MED27: variants seen among roughly 807,000 people sequenced by gnomAD.
MED27 encodes mediator complex subunit 27, also known as mediator of RNA polymerase II transcription subunit 27.
MED27 carries 30 observed loss-of-function variants against 38.2 expected under a neutral mutation model. The observed-to-expected ratio is 0.79, with a 90% confidence interval of 0.59 to 1.07. The LOEUF (loss-of-function observed/expected upper bound fraction) is 1.07, where lower values mean the gene tolerates loss of function less well. Ranked by LOEUF, MED27 falls within the 50% of genes least tolerant of loss-of-function variation. The probability of loss-of-function intolerance (pLI) is 0.00; values close to 1 mark genes in which losing one functional copy is unlikely to be tolerated. For synonymous variants in MED27, 122 were observed against 153.5 expected, an observed-to-expected ratio of 0.79 and a Z score of 1.52; for missense variants, 289 against 397.5, an observed-to-expected ratio of 0.73 and a Z score of 2.32.
At position 131,906,076 on chromosome 9, in the gene MED27, T is replaced by G. The variant is rs142536708; in HGVS notation, c.574-12084A>C. Among the ~76,000 whole-genome samples the G allele has an allele frequency of 3.5e-3, 535 of 152,304 alleles. 8 individuals are homozygous for G. Among genetic ancestry groups the G allele is most frequent in the Admixed American group, 0.023 (353 of 15,302 alleles). On this transcript the variant is annotated intron_variant, in intron 4 of 7. Coordinates refer to ENST00000292035, the MANE Select transcript of MED27 (RefSeq NM_004269.4). Reference sequence around the variant, plus strand: ...TTAAAGAGAGATTACTCAGGTAATATCTACATGTGAAAAAATGACATTTAG... The same window carrying G: ...TTAAAGAGAGATTACTCAGGTAATAGCTACATGTGAAAAAATGACATTTAG...
intron 2 of MED27, among the ~76,000 whole-genome samples, chr9:132,062,983 A>T (rs920079966): frequency 1.3e-5 from 2 of 152,206 alleles, no homozygotes; most frequent in Admixed American, 6.5e-5. Context: ...GGTCACTCTG[A>T]CTATGTGGGA....
At chr9:132,042,533 GC>G (rs1342065624) in intron 2 of MED27, among the ~76,000 whole-genome samples, 1 of 152,068 alleles carries the variant, frequency 6.6e-6, no homozygotes, top group Non-Finnish European at 1.5e-5. Flanking sequence ...CACAATTCCT[GC>G]CCCTCCTTTA....
chr9:132,018,947 T>C (rs1332965277), intron 2 of MED27, among the ~76,000 whole-genome samples: 1 of 152,062 alleles, frequency 6.6e-6, no homozygotes, highest in Admixed American at 6.5e-5. Context: ...TAATTACATA[T>C]AAAGGCAAAG....
chr9:132,011,405 T>G (rs1239642152), intron 3 of MED27, among the ~76,000 whole-genome samples: 1 of 152,214 alleles, frequency 6.6e-6, no homozygotes, highest in Non-Finnish European at 1.5e-5. Context: ...ATTGTTCTAT[T>G]TCCTAGCTTA....
intron 6 of MED27, among the ~76,000 whole-genome samples, chr9:131,878,431 G>A (rs973638479): frequency 1.3e-5 from 2 of 152,208 alleles, no homozygotes; most frequent in African/African-American, 2.4e-5. Flanking sequence ...AGACGGTGCA[G>A]AACTGAAAGG....
At chr9:132,035,208 G>A (rs935512810) in intron 2 of MED27, among the ~76,000 whole-genome samples, 2 of 152,184 alleles carry the variant, frequency 1.3e-5, no homozygotes, top group Non-Finnish European at 2.9e-5. Context: ...AGGTCCAAAT[G>A]AGCCCAATAC....
chr9:131,953,739 C>T (rs1215036414), intron 3 of MED27, among the ~76,000 whole-genome samples: 1 of 151,904 alleles, frequency 6.6e-6, no homozygotes, highest in Non-Finnish European at 1.5e-5. Flanking sequence ...TAAACAGCTT[C>T]GTTCCAAAAG....
At chr9:131,950,680 A>ACCGCAGAACCCCT (rs1830978581) in intron 3 of MED27, among the ~76,000 whole-genome samples, 1 of 152,218 alleles carries the variant, frequency 6.6e-6, no homozygotes, top group East Asian at 1.9e-4. Context: ...ATCTGAGGAA[A>ACCGCAGAACCCCT]CCGCAGAACC....
intron 2 of MED27, among the ~76,000 whole-genome samples, chr9:132,029,556 CG>C (rs1832904588): frequency 6.6e-6 from 1 of 151,866 alleles, no homozygotes; most frequent in South Asian, 2.1e-4. Context: ...GAGGCTAAAA[CG>C]AAAGGGAGAA....
At chr9:132,007,022 C>T (rs534031459) in intron 3 of MED27, among the ~76,000 whole-genome samples, 5 of 152,286 alleles carry the variant, frequency 3.3e-5, no homozygotes, top group Admixed American at 6.5e-5. Flanking sequence ...ATGTGCAAGG[C>T]GGTGGCAGAA....
intron 5 of MED27, among the ~76,000 whole-genome samples, chr9:131,887,284 C>T (rs559652503): frequency 1.3e-5 from 2 of 152,276 alleles, no homozygotes; most frequent in South Asian, 2.1e-4. Context: ...AAACACACCA[C>T]ATTTATTCAA....
At chr9:131,960,326 G>A (rs184474480) in intron 3 of MED27, among the ~76,000 whole-genome samples, 2 of 152,216 alleles carry the variant, frequency 1.3e-5, no homozygotes, top group East Asian at 1.9e-4. Flanking sequence ...CAATCACTCC[G>A]TTTAATGCTC....
intron 2 of MED27, among the ~76,000 whole-genome samples, chr9:132,050,791 G>A (rs1034932748): frequency 1.3e-5 from 2 of 152,144 alleles, no homozygotes; most frequent in East Asian, 3.9e-4. Flanking sequence ...CCCTTATCCT[G>A]CATGATTTAT....
intron 3 of MED27, among the ~76,000 whole-genome samples, chr9:131,956,092 T>G (rs960321932): frequency 3.3e-5 from 5 of 152,170 alleles, no homozygotes; most frequent in Admixed American, 2.6e-4. Flanking sequence ...ACCCATGCTG[T>G]GTTCTAGCCA....
chr9:132,025,307 C>A (rs543753945), intron 2 of MED27, among the ~76,000 whole-genome samples: 2 of 151,948 alleles, frequency 1.3e-5, no homozygotes, highest in African/African-American at 2.4e-5. Context: ...CTCAGCCTCG[C>A]GAGTTGCTGG....
At chr9:131,976,874 G>A (rs949367348) in intron 3 of MED27, among the ~76,000 whole-genome samples, 3 of 152,104 alleles carry the variant, frequency 2.0e-5, no homozygotes, top group Non-Finnish European at 4.4e-5. Context: ...AGATCATTAC[G>A]CTTTAAGAAC....
At chr9:132,048,399 A>G (rs1271442375) in intron 2 of MED27, among the ~76,000 whole-genome samples, 1 of 152,240 alleles carries the variant, frequency 6.6e-6, no homozygotes, top group Non-Finnish European at 1.5e-5. Context: ...GAAATTACTC[A>G]GAACTTTCAT....
chr9:131,990,542 T>A (rs1006755322), intron 3 of MED27, among the ~76,000 whole-genome samples: 1 of 152,200 alleles, frequency 6.6e-6, no homozygotes, highest in African/African-American at 2.4e-5. Flanking sequence ...CATCCCAGAG[T>A]GTTTATGGAG....
rs182985807 is a variant in MED27 at position 132,047,469 on chromosome 9, C to T, written c.348+29973G>A. On this transcript the variant is annotated intron_variant, in intron 2 of 7. Coordinates refer to ENST00000292035, the MANE Select transcript of MED27 (RefSeq NM_004269.4). ...ACACACACACACACACACACACACA[C>T]ACACACGTCTTAGTCCACTTGGAAC... 1.5e-3 allele frequency among the ~76,000 whole-genome samples: 222 copies of T among 151,560 alleles called. 1 individual carries two copies. Among genetic ancestry groups the T allele is most frequent in the African/African-American group, 5.2e-3 (216 of 41,280 alleles).
Sources: gnomAD v4.1 joint callset for allele counts (sites outside exome capture counted in the v4.1 genomes callset) on GRCh38, gnomAD v4.1.1 for gene constraint, MANE v1.5 for transcripts, NCBI Gene and HGNC (gene_info 2026-07-23, HGNC 2026-07-21) for gene names.